GRHL1: variants seen among roughly 807,000 people sequenced by gnomAD.
GRHL1 encodes the protein grainyhead like transcription factor 1, also known as grainyhead-like protein 1 homolog.
Under a neutral mutation model 75.7 loss-of-function variants are expected in GRHL1, and 38 were observed. The ratio of observed to expected loss-of-function variants is 0.50; its 90% CI spans 0.39 to 0.66. GRHL1 has a LOEUF of 0.66. Ranked by LOEUF, GRHL1 falls within the 30% of genes least tolerant of loss-of-function variation. The pLI is 0.00. For synonymous variants in GRHL1, 266 were observed against 279.4 expected (o/e 0.95, Z 0.48); for missense variants, 589 against 767.5 (o/e 0.77, Z 2.75).
rs898072399 is a variant in GRHL1, at chr2:9,968,531, C to T, written c.1110+3150C>T. ...ATTTCATTGTGAAATAATCAGTATT[C>T]TTCCTGATGCACAGCTGAGATTAGC... On this transcript the variant is annotated intron_variant, in intron 8 of 15. Coordinates refer to ENST00000324907, the MANE Select transcript of GRHL1 (RefSeq NM_198182.3). The surrounding 1 kb of genome is among the most constrained non-coding windows in gnomAD (Gnocchi z 4.7). Among the ~76,000 whole-genome samples the T allele has an allele frequency of 6.6e-6, 1 of 152,206 alleles. No homozygotes were observed. The highest frequency in any genetic ancestry group is 6.5e-5 in the Admixed American group (1 of 15,292).
chr2:9,984,678 G>A (rs1301787128), intron 8 of GRHL1, among the ~76,000 whole-genome samples: 9 of 152,162 alleles, frequency 5.9e-5, no homozygotes, highest in African/African-American at 2.2e-4. Context: ...ATGGGTTCTC[G>A]CCGGCTTAGT....
intron 14 of GRHL1, among the ~76,000 whole-genome samples, 154 bp from the exon 15 acceptor site, chr2:9,998,811 T>C (rs540516846): frequency 2.2e-5 from 1 of 44,672 alleles, no homozygotes. Context: ...TATATATACG[T>C]ATATATATGT....
Position 9,957,499 on chromosome 2 carries a change from T to A in GRHL1, c.208-1287T>A, listed in dbSNP as rs374185008. ...GTCTCAACTTACTGCAGCCTCTGCCTCCTGGGTTCAAGCAATTCTCCTGCC... is the reference window on the plus strand; with the variant it reads ...GTCTCAACTTACTGCAGCCTCTGCCACCTGGGTTCAAGCAATTCTCCTGCC... On this transcript the variant is annotated intron_variant, in intron 2 of 15. Coordinates refer to ENST00000324907, the MANE Select transcript of GRHL1 (RefSeq NM_198182.3). Among the ~76,000 whole-genome samples, 9 of 152,034 alleles carry A rather than the reference T, an allele frequency of 5.9e-5. No homozygotes were observed. In the South Asian group the frequency reaches 1.0e-3, roughly 18 times the overall value.
intron 1 of GRHL1, among the ~76,000 whole-genome samples, chr2:9,953,455 G>A (rs1666884705): frequency 6.6e-6 from 1 of 152,212 alleles, no homozygotes. Context: ...ATTTGTGTAA[G>A]CAATCTTCTC....
chr2:9,961,491 G>C, intron 4 of GRHL1, 55 bp downstream of exon 4: 1 of 1,479,554 alleles, frequency 6.8e-7, no homozygotes. Flanking sequence ...TAAGTATTGG[G>C]TTCCACCTTT....
chr2:9,982,613 C>G (rs1437414402), intron 8 of GRHL1, among the ~76,000 whole-genome samples: 2 of 152,214 alleles, frequency 1.3e-5, no homozygotes, highest in African/African-American at 2.4e-5. Flanking sequence ...CCGCTTCACT[C>G]TCCCTGAGTT....
intron 8 of GRHL1, chr2:9,966,137 C>T (rs1667482734): frequency 6.6e-6 from 1 of 152,234 alleles, no homozygotes; most frequent in South Asian, 2.1e-4. Context: ...GTGGCTCACA[C>T]TTGTAATCCC....
chr2:9,965,500 A>T lies in GRHL1; in HGVS notation c.1110+119A>T, dbSNP rs950958002. Reference sequence around the variant, plus strand: ...TTTATGTGTTTCATTCTCAGGTGTTATGAAACTATCCTCTTCCCTTTTTAT... The same window carrying T: ...TTTATGTGTTTCATTCTCAGGTGTTTTGAAACTATCCTCTTCCCTTTTTAT... On this transcript the variant is annotated intron_variant, in intron 8 of 15. Coordinates refer to ENST00000324907, the MANE Select transcript of GRHL1 (RefSeq NM_198182.3). The T allele has an allele frequency of 1.2e-4, 77 of 627,470 alleles. 1 individual carries two copies. In the African/African-American group the frequency reaches 1.3e-3, roughly 11 times the overall value. 38.9% of individuals were successfully genotyped at this position (627,470 alleles called of 1,614,324 possible). A position where few individuals can be genotyped will look rare whatever the true frequency, so the allele number is the denominator to read the frequency against.
Position 9,951,886 on chromosome 2 carries a change from G to C in GRHL1, c.20+33G>C. 1.4e-6 allele frequency: 2 copies of C among 1,422,328 alleles called. No individual in the cohort carries two copies. Among genetic ancestry groups the C allele is most frequent in the Non-Finnish European group, 1.9e-6 (2 of 1,073,612 alleles). 88.1% of individuals were successfully genotyped at this position (1,422,328 alleles called of 1,614,324 possible). A position where few individuals can be genotyped will look rare whatever the true frequency, so the allele number is the denominator to read the frequency against. On this transcript the variant is annotated intron_variant, in intron 1 of 15. Transcript: ENST00000324907. The surrounding 1 kb of genome is among the most constrained non-coding windows in gnomAD (Gnocchi z 4.2). ...AGGCGCAGGAGTCCGGCCGCCGCGG[G>C]GGGGCCGCGCTGAGGGGCCGCACCT...
At chr2:9,961,465 C>T (rs376447054) in intron 4 of GRHL1, 29 bp downstream of exon 4, 85 of 1,569,090 alleles carry the variant, frequency 5.4e-5, no homozygotes, top group Admixed American at 2.7e-4. Flanking sequence ...CTTCCTAAGA[C>T]GCCTGCGTGT....
chr2:9,957,448 C>T (rs142236759), intron 2 of GRHL1, among the ~76,000 whole-genome samples: 2,279 of 150,516 alleles, frequency 0.015, 61 homozygotes, highest in African/African-American at 0.053. Context: ...CTCGCTCTGT[C>T]GCCCAGGCTG....
At chr2:9,975,660 C>T (rs1442475173) in intron 8 of GRHL1, among the ~76,000 whole-genome samples, 2 of 151,796 alleles carry the variant, frequency 1.3e-5, no homozygotes, top group Admixed American at 6.6e-5. Context: ...GGTGTATCAC[C>T]TGAGATCAGG....
At chr2:9,984,661 C>T (rs1668343820) in intron 8 of GRHL1, among the ~76,000 whole-genome samples, 2 of 152,136 alleles carry the variant, frequency 1.3e-5, no homozygotes, top group Non-Finnish European at 2.9e-5. Flanking sequence ...GTGGGGGATC[C>T]CCCTGGATGG....
intron 8 of GRHL1, among the ~76,000 whole-genome samples, chr2:9,979,878 A>G (rs965384962): frequency 5.9e-5 from 9 of 152,208 alleles, no homozygotes; most frequent in African/African-American, 2.2e-4. Flanking sequence ...TGCTTTGTTC[A>G]TGCATTCTTT....
chr2:9,978,719 G>C (rs892264674), intron 8 of GRHL1, among the ~76,000 whole-genome samples: 18 of 152,184 alleles, frequency 1.2e-4, no homozygotes, highest in Non-Finnish European at 4.4e-5. Flanking sequence ...AGCCGGGCAT[G>C]GTGGCTCATG....
intron 8 of GRHL1, among the ~76,000 whole-genome samples, chr2:9,983,317 T>G (rs1490535910): frequency 2.0e-5 from 3 of 152,078 alleles, no homozygotes; most frequent in African/African-American, 7.2e-5. Flanking sequence ...CATTTTTTTT[T>G]TAATGCTGAA....
chr2:9,956,731 T>C lies in GRHL1; in HGVS notation c.207+1630T>C, dbSNP rs144077256. On this transcript the variant is annotated intron_variant, in intron 2 of 15. Transcript: ENST00000324907. ...GGAAATTATTATATATCTGTTCTTA[T>C]AGCTTGTTTTATTGACTTACTATAA... is the stretch of plus-strand genomic sequence containing the variant. Among the ~76,000 whole-genome samples, 707 of 152,356 alleles carry C rather than the reference T, an allele frequency of 4.6e-3. 8 individuals are homozygous for C. The highest frequency in any genetic ancestry group is 0.015 in the African/African-American group (622 of 41,588).
At chr2:9,995,302 CA>C (rs1342895969) in intron 12 of GRHL1, 1 of 152,220 alleles carries the variant, frequency 6.6e-6, no homozygotes, top group Non-Finnish European at 1.5e-5. Flanking sequence ...TGAAAAGAAG[CA>C]CCAGACAGCC....
Position 9,954,785 on chromosome 2 carries a change from C to T in GRHL1, c.21-130C>T, listed in dbSNP as rs1023082773. 19 of 805,940 alleles carry T rather than the reference C, an allele frequency of 2.4e-5. No individual in the cohort carries two copies. In the African/African-American group the frequency reaches 2.4e-4, roughly 10 times the overall value. 49.9% of individuals were successfully genotyped at this position (805,940 alleles called of 1,614,324 possible). Reference sequence around the variant, plus strand: ...TACGTGGTTTGTCTTCTGGTCTTGTCTTAATTTGACTTCCTAGGGTCATTG... The same window carrying T: ...TACGTGGTTTGTCTTCTGGTCTTGTTTTAATTTGACTTCCTAGGGTCATTG... On this transcript the variant is annotated intron_variant, in intron 1 of 15. Coordinates refer to ENST00000324907, the MANE Select transcript of GRHL1 (RefSeq NM_198182.3).
Sources: allele counts gnomAD v4.1 joint callset (sites outside exome capture counted in the v4.1 genomes callset), GRCh38; gene constraint gnomAD v4.1.1; non-coding constraint Gnocchi (gnomAD v3.1); transcripts MANE v1.5; gene names NCBI Gene and HGNC (gene_info 2026-07-23, HGNC 2026-07-21).